The following DPP6 variants were observed in gnomAD, a reference collection of about 807,000 sequenced individuals.
DPP6 encodes A-type potassium channel modulatory protein DPP6.
DPP6 carries 69 observed loss-of-function variants against 122.6 expected under a neutral mutation model. The observed-to-expected ratio is 0.56, with a 90% CI of 0.46 to 0.69. DPP6 has a LOEUF of 0.69. DPP6 is among the 30% of genes least tolerant of loss of function. The pLI is 0.00. For synonymous variants in DPP6, 418 were observed against 433.1 expected, an observed-to-expected ratio of 0.97 and a Z score of 0.43; for missense variants, 928 against 1,116.9, an observed-to-expected ratio of 0.83 and a Z score of 2.41.
At chr7:154,780,314 A>T (rs368209146) in intron 10 of DPP6, among the ~76,000 whole-genome samples, 2 of 152,216 alleles carry the variant, frequency 1.3e-5, no homozygotes, top group East Asian at 1.9e-4. Flanking sequence ...TGGAAATCTG[A>T]GTCACAGCTG....
chr7:153,824,079 A>G, the DPP6 span, among the ~76,000 whole-genome samples: 2 of 151,974 alleles, frequency 1.3e-5, no homozygotes, highest in Non-Finnish European at 2.9e-5. Flanking sequence ...TCAATTTTCT[A>G]CCCTATCACA....
At position 154,481,494 on chromosome 7, in the gene DPP6, C is replaced by T. The variant is rs188147914; in HGVS notation, c.457+6457C>T. The stretch of plus-strand genomic sequence containing the variant: ...CCTCCCCCAACCTCTTCACAGACCC[C>T]CCGCTGCCCACTGTGCGAGCACAGC... On this transcript the variant is annotated intron_variant, in intron 3 of 25. Coordinates refer to ENST00000377770, the MANE Select transcript of DPP6 (RefSeq NM_130797.4). This position sits in a 1 kb window ranked among gnomAD's most constrained non-coding sequence, Gnocchi z 4.2. Among the ~76,000 whole-genome samples the T allele has an allele frequency of 1.7e-3, 258 of 151,702 alleles. No individual in the cohort carries two copies. The highest frequency in any genetic ancestry group is 2.3e-3 in the Non-Finnish European group (155 of 67,880).
chr7:154,344,360 A>G (rs1342765815), intron 1 of DPP6, among the ~76,000 whole-genome samples: 1 of 152,206 alleles, frequency 6.6e-6, no homozygotes, highest in Non-Finnish European at 1.5e-5. Context: ...CAAAACTGCA[A>G]TGAGGTATCA....
At chr7:154,192,849 C>T (rs958551019) in intron 1 of DPP6, among the ~76,000 whole-genome samples, 3 of 152,146 alleles carry the variant, frequency 2.0e-5, no homozygotes, top group African/African-American at 7.2e-5. Context: ...TGAGGGTGGC[C>T]GTCAGTGAGG....
At chr7:154,256,922 A>C (rs1292366509) in intron 1 of DPP6, among the ~76,000 whole-genome samples, 1 of 152,066 alleles carries the variant, frequency 6.6e-6, no homozygotes, top group Non-Finnish European at 1.5e-5. Flanking sequence ...AAGTGCATCT[A>C]GAAAATGCCA....
intron 1 of DPP6, among the ~76,000 whole-genome samples, chr7:154,437,393 C>T (rs576766899): frequency 1.9e-3 from 289 of 152,234 alleles, no homozygotes; most frequent in Non-Finnish European, 3.4e-3. Flanking sequence ...CTTTGAGACC[C>T]GTGAACATTC....
Position 154,588,015 on chromosome 7 carries a change from G to A in DPP6, c.627+21099G>A, listed in dbSNP as rs145851911. The A allele has an allele frequency of 1.0e-3, 1,646 of 1,612,774 alleles. 26 individuals are homozygous for A. The East Asian group carries it at 0.03, about 30-fold the overall frequency. ...ACGAGTGTGGCAGGTGTGAGGCATC[G>A]CATCTGCTCACCCCGGGGATAATGC... On this transcript the variant is annotated intron_variant, in intron 5 of 25. Transcript: ENST00000377770.
Position 154,282,606 on chromosome 7 carries a change from C to T in DPP6, c.244-163608C>T, listed in dbSNP as rs1344326443. The stretch of plus-strand genomic sequence containing the variant: ...GGCCTCCCTGCCCATGGCATTTTCT[C>T]AGGAGCTGTCTCCTTTGAGTTGCTA... On this transcript the variant is annotated intron_variant, in intron 1 of 25. Transcript: ENST00000377770. This position sits in a 1 kb window ranked among gnomAD's most constrained non-coding sequence, Gnocchi z 4.8. 6.6e-6 allele frequency among the ~76,000 whole-genome samples: 1 copy of T among 152,202 alleles called. No individual in the cohort carries two copies. The highest frequency in any genetic ancestry group is 2.4e-5 in the African/African-American group (1 of 41,462).
At chr7:154,193,206 G>C (rs191022286) in intron 1 of DPP6, among the ~76,000 whole-genome samples, 15 of 152,304 alleles carry the variant, frequency 9.8e-5, no homozygotes, top group Admixed American at 8.5e-4. Flanking sequence ...AAGTACATTA[G>C]ACTTTTAGAT....
chr7:154,893,802 CTG>C lies in DPP6; in HGVS notation c.*1325_*1326del, dbSNP rs1806839489. The C allele has an allele frequency of 6.6e-6, 1 of 152,280 alleles. No individual in the cohort carries two copies. Among genetic ancestry groups the C allele is most frequent in the African/African-American group, 2.4e-5 (1 of 41,460 alleles). The allele number at this position is 152,280 out of a possible 1,614,324, so 9.4% of individuals were successfully genotyped here. A position where few individuals can be genotyped will look rare whatever the true frequency, so the allele number is the denominator to read the frequency against. ...CCCGTGTTGAGCCTGCATGCTGACACTGTGGCCGATCTGGACTCTAGAAGTGC... is the reference window on the plus strand; with the variant it reads ...CCCGTGTTGAGCCTGCATGCTGACACTGGCCGATCTGGACTCTAGAAGTGC... On this transcript the variant is annotated 3_prime_UTR_variant, in exon 26 of 26. Coordinates refer to ENST00000377770, the MANE Select transcript of DPP6 (RefSeq NM_130797.4).
chr7:154,386,419 G>A (rs1423998123), intron 1 of DPP6, among the ~76,000 whole-genome samples: 1 of 152,000 alleles, frequency 6.6e-6, no homozygotes, highest in Non-Finnish European at 1.5e-5. Flanking sequence ...ATGCTTGAAG[G>A]GAAAGGATTT....
chr7:153,827,911 G>T, the DPP6 span, among the ~76,000 whole-genome samples: 5 of 152,186 alleles, frequency 3.3e-5, no homozygotes. Flanking sequence ...CTCCACTGGG[G>T]GTTGTCCAAG....
At chr7:154,032,502 C>A (rs993200884) in intron 1 of DPP6, among the ~76,000 whole-genome samples, 1 of 152,060 alleles carries the variant, frequency 6.6e-6, no homozygotes, top group African/African-American at 2.4e-5. Flanking sequence ...TTATCTAAGC[C>A]CAGACAGCCA....
At chr7:154,607,729 T>C (rs114630461) in intron 5 of DPP6, among the ~76,000 whole-genome samples, 2,574 of 118,492 alleles carry the variant, frequency 0.022, 493 homozygotes, top group African/African-American at 0.064. Context: ...TTATGATGTT[T>C]ATAACATTTT....
intron 1 of DPP6, among the ~76,000 whole-genome samples, chr7:154,252,094 C>T (rs753860582): frequency 6.6e-6 from 1 of 152,216 alleles, no homozygotes; most frequent in Non-Finnish European, 1.5e-5. Context: ...GGTAGAGAGA[C>T]TCATTCTTGC....
Position 154,282,529 on chromosome 7 carries a change from C to T in DPP6, c.244-163685C>T, listed in dbSNP as rs1221752265. Among the ~76,000 whole-genome samples, 1 of 152,146 alleles carries T rather than the reference C, an allele frequency of 6.6e-6. No individual in the cohort carries two copies. The highest frequency in any genetic ancestry group is 1.5e-5 in the Non-Finnish European group (1 of 68,034). On this transcript the variant is annotated intron_variant, in intron 1 of 25. Transcript: ENST00000377770. This position sits in a 1 kb window ranked among gnomAD's most constrained non-coding sequence, Gnocchi z 4.8. ...GAAGAAAGACACGCTGTATCCTGGG[C>T]ACAGGTCTTCTGTTAGACTCAATGG...
intron 1 of DPP6, among the ~76,000 whole-genome samples, chr7:154,021,444 G>C (rs1023808654): frequency 1.3e-5 from 2 of 152,136 alleles, no homozygotes; most frequent in Non-Finnish European, 2.9e-5. Flanking sequence ...AGAGGCCTTT[G>C]TGCCATGCTT....
At chr7:153,791,424 C>CTTTT in the DPP6 span, among the ~76,000 whole-genome samples, 62 of 91,648 alleles carry the variant, frequency 6.8e-4, 5 homozygotes, top group South Asian at 2.5e-3. Flanking sequence ...TCCTTCCTTT[C>CTTTT]TTTTTTTTTT....
intron 1 of DPP6, among the ~76,000 whole-genome samples, chr7:154,413,881 T>C (rs893725523): frequency 1.3e-5 from 2 of 152,216 alleles, no homozygotes; most frequent in African/African-American, 4.8e-5. Flanking sequence ...TCATGAAAAG[T>C]AGTGATGATT....
Sources: gnomAD v4.1 joint callset for allele counts (sites outside exome capture counted in the v4.1 genomes callset) on GRCh38, gnomAD v4.1.1 for gene constraint, Gnocchi (gnomAD v3.1) non-coding constraint, MANE v1.5 for transcripts, NCBI Gene and HGNC (gene_info 2026-07-23, HGNC 2026-07-21) for gene names.